The following THSD4 variants were observed in gnomAD, a reference collection of about 807,000 sequenced individuals.
The protein encoded by THSD4 is thrombospondin type 1 domain containing 4.
Under a neutral mutation model 119.0 loss-of-function variants are expected in THSD4, and 69 were observed. The ratio of observed to expected loss-of-function variants is 0.58; its 90% CI spans 0.48 to 0.71. The LOEUF (loss-of-function observed/expected upper bound fraction) is 0.71, where lower values mean the gene tolerates loss of function less well. THSD4 is among the 30% of genes least tolerant of loss of function. THSD4 has a pLI of 0.00. For synonymous variants in THSD4, 524 were observed against 540.4 expected (o/e 0.97, Z 0.42); for missense variants, 1,393 against 1,391.1 (o/e 1.00, Z -0.02).
intron 5 of THSD4, among the ~76,000 whole-genome samples, chr15:71,255,293 C>A (rs2044303343): frequency 6.6e-6 from 1 of 152,136 alleles, no homozygotes; most frequent in Admixed American, 6.5e-5. Context: ...TTGGGTTCAA[C>A]AAAGCTAGAT....
chr15:71,533,039 A>G (rs1463695758), intron 7 of THSD4, among the ~76,000 whole-genome samples: 1 of 152,150 alleles, frequency 6.6e-6, no homozygotes, highest in Non-Finnish European at 1.5e-5. Flanking sequence ...TATGAGTTGT[A>G]TTTGCTGAGC....
At chr15:71,608,095 C>T (rs547190658) in intron 7 of THSD4, among the ~76,000 whole-genome samples, 1 of 151,750 alleles carries the variant, frequency 6.6e-6, no homozygotes, top group South Asian at 2.1e-4. Context: ...TGGTGGCAGG[C>T]ACCTGTAATG....
intron 7 of THSD4, among the ~76,000 whole-genome samples, chr15:71,490,896 G>A (rs1293665964): frequency 6.6e-6 from 1 of 152,224 alleles, no homozygotes; most frequent in Non-Finnish European, 1.5e-5. Context: ...CAATGGCAGA[G>A]TTGAATAATG....
chr15:71,595,806 T>C (rs2049897539), intron 7 of THSD4, among the ~76,000 whole-genome samples: 1 of 152,234 alleles, frequency 6.6e-6, no homozygotes, highest in Admixed American at 6.5e-5. Flanking sequence ...TAGCTACTGT[T>C]ATACCCATTC....
At chr15:71,696,370 T>C (rs976411298) in intron 8 of THSD4, among the ~76,000 whole-genome samples, 4 of 152,104 alleles carry the variant, frequency 2.6e-5, no homozygotes, top group Non-Finnish European at 4.4e-5. Flanking sequence ...CCCTTTACAC[T>C]AGGACTAATA....
intron 1 of THSD4, among the ~76,000 whole-genome samples, chr15:71,123,559 G>A (rs1208110097): frequency 6.6e-6 from 1 of 152,196 alleles, no homozygotes; most frequent in Non-Finnish European, 1.5e-5. Flanking sequence ...TTCTTGCCTG[G>A]GAGTGTGAGA....
At chr15:71,388,502 C>A (rs375224117) in intron 6 of THSD4, among the ~76,000 whole-genome samples, 17 of 152,270 alleles carry the variant, frequency 1.1e-4, no homozygotes, top group East Asian at 9.6e-4. Context: ...TTCAGCTCTT[C>A]CTGTATGCCC....
intron 7 of THSD4, among the ~76,000 whole-genome samples, chr15:71,649,897 C>A (rs921695107): frequency 2.0e-5 from 3 of 152,194 alleles, no homozygotes; most frequent in Non-Finnish European, 4.4e-5. Context: ...GCTCTTCAAC[C>A]ATTTCCTGGT....
At chr15:71,512,186 G>A (rs996540147) in intron 7 of THSD4, among the ~76,000 whole-genome samples, 3 of 152,172 alleles carry the variant, frequency 2.0e-5, no homozygotes, top group Non-Finnish European at 2.9e-5. Flanking sequence ...TTCCGATGAT[G>A]TCTGCACAGG....
At chr15:71,336,628 G>A (rs144615581) in intron 6 of THSD4, among the ~76,000 whole-genome samples, 42 of 152,302 alleles carry the variant, frequency 2.8e-4, no homozygotes, top group Non-Finnish European at 5.0e-4. Context: ...GACATAAAGT[G>A]TTATATTTCT....
chr15:71,604,624 C>G (rs912238439), intron 7 of THSD4, among the ~76,000 whole-genome samples: 11 of 152,158 alleles, frequency 7.2e-5, no homozygotes, highest in Non-Finnish European at 1.5e-4. Flanking sequence ...TGTGTATTAT[C>G]TATATCAAAT....
rs140591222 is a variant in THSD4 at position 71,353,959 on chromosome 15, T to C, written c.1016-57728T>C. ...CCAGGTGATTGAGGAAGGAAGACACTGAAGATAGAACCCTGAGGAACATCA... is the reference window on the plus strand; with the variant it reads ...CCAGGTGATTGAGGAAGGAAGACACCGAAGATAGAACCCTGAGGAACATCA... On this transcript the variant is annotated intron_variant, in intron 6 of 17. Coordinates refer to ENST00000261862, the MANE Select transcript of THSD4 (RefSeq NM_024817.3). Among the ~76,000 whole-genome samples the C allele has an allele frequency of 2.9e-3, 437 of 152,232 alleles. 1 individual carries two copies. Among genetic ancestry groups the C allele is most frequent in the African/African-American group, 9.8e-3 (409 of 41,536 alleles).
At chr15:71,306,307 CAAAAAAAAAAA>C (rs67260180) in intron 6 of THSD4, among the ~76,000 whole-genome samples, 78 of 62,938 alleles carry the variant, frequency 1.2e-3, no homozygotes, top group Middle Eastern at 0.029. Context: ...ACTCTTGCCT[CAAAAAAAAAAA>C]AAAAAAAAAA....
chr15:71,295,836 C>T (rs1164246488), intron 6 of THSD4, among the ~76,000 whole-genome samples: 1 of 152,196 alleles, frequency 6.6e-6, no homozygotes, highest in Non-Finnish European at 1.5e-5. Context: ...CTGCCCTAGG[C>T]AACAAGTAAG....
intron 7 of THSD4, among the ~76,000 whole-genome samples, chr15:71,658,211 A>C (rs1003802903): frequency 6.6e-6 from 1 of 152,166 alleles, no homozygotes; most frequent in Admixed American, 6.5e-5. Flanking sequence ...ATGAAAATCT[A>C]ATTCTTCAAT....
intron 1 of THSD4, among the ~76,000 whole-genome samples, chr15:71,109,011 CAAAA>C (rs527375532): frequency 0.011 from 1,677 of 151,912 alleles, 34 homozygotes; most frequent in African/African-American, 0.038. Context: ...AACAAACAAA[CAAAA>C]AAACAAACAA....
intron 6 of THSD4, among the ~76,000 whole-genome samples, chr15:71,345,540 T>G (rs1485210236): frequency 6.6e-6 from 1 of 152,216 alleles, no homozygotes; most frequent in Non-Finnish European, 1.5e-5. Flanking sequence ...TCTGAGGGCT[T>G]GCTAATTTAG....
At chr15:71,454,381 G>C (rs190462927) in intron 7 of THSD4, among the ~76,000 whole-genome samples, 1 of 152,298 alleles carries the variant, frequency 6.6e-6, no homozygotes, top group African/African-American at 2.4e-5. Context: ...TCTGTATGTT[G>C]ATGTAACTGG....
chr15:71,647,707 T>G (rs2050998552), intron 7 of THSD4, among the ~76,000 whole-genome samples: 3 of 152,202 alleles, frequency 2.0e-5, no homozygotes, highest in African/African-American at 7.2e-5. Flanking sequence ...AGAAAAATCG[T>G]TACTATTTCA....
Sources: gnomAD v4.1 joint callset for allele counts (sites outside exome capture counted in the v4.1 genomes callset) on GRCh38, gnomAD v4.1.1 for gene constraint, MANE v1.5 for transcripts, NCBI Gene and HGNC (gene_info 2026-07-23, HGNC 2026-07-21) for gene names.